SLC44A5: variants seen among roughly 807,000 people sequenced by gnomAD.
SLC44A5 encodes the protein choline transporter-like protein 5.
Under a neutral mutation model 101.8 loss-of-function variants are expected in SLC44A5, and 57 were observed. The observed-to-expected ratio is 0.56, with a 90% CI of 0.45 to 0.70. SLC44A5 has a LOEUF of 0.70. Among genes scored for constraint, SLC44A5 ranks in the 30% least tolerant of loss-of-function variants. The pLI is 0.00. For missense variants in SLC44A5, 737 were observed against 853.1 expected, an observed-to-expected ratio of 0.86 and a Z score of 1.70; for synonymous variants, 281 against 290.9, an observed-to-expected ratio of 0.97 and a Z score of 0.35.
chr1:75,536,482 T>C (rs1190272761), intron 2 of SLC44A5, among the ~76,000 whole-genome samples: 1 of 150,192 alleles, frequency 6.7e-6, no homozygotes, highest in Non-Finnish European at 1.5e-5. Flanking sequence ...GCGCCTGTAG[T>C]CCCAGCTACT....
chr1:75,649,971 G>A, the SLC44A5 span, among the ~76,000 whole-genome samples: 1 of 152,114 alleles, frequency 6.6e-6, no homozygotes, highest in African/African-American at 2.4e-5. Context: ...ACTTGTTTAA[G>A]CCTGATTTAT....
chr1:75,234,005 C>T lies in SLC44A5; in HGVS notation c.834G>A (p.Val278=), dbSNP rs566016844. Residue 278 remains valine, a synonymous_variant, in exon 12 of 24, where the codon GTG becomes GTA. Transcript: ENST00000370859. ...GCLFWVFMIG[V]IGIIGYGIWH... The stretch of plus-strand genomic sequence containing the variant: ...ACCTACCATAACCTATAATTCCAAT[C>T]ACACCAATCATGAAGACCCAGAAGA... The T allele has an allele frequency of 1.9e-6, 3 of 1,612,110 alleles. No homozygotes were observed. In the South Asian group the frequency reaches 3.3e-5, roughly 18 times the overall value.
At chr1:75,715,730 G>A in the SLC44A5 span, among the ~76,000 whole-genome samples, 1 of 152,078 alleles carries the variant, frequency 6.6e-6, no homozygotes, top group Non-Finnish European at 1.5e-5. Context: ...CTGGACACAA[G>A]CCCTGGCAAA....
chr1:75,641,557 C>G, the SLC44A5 span: 1 of 1,506,660 alleles, frequency 6.6e-7, no homozygotes, highest in Non-Finnish European at 9.2e-7. Context: ...GAAAAACTTC[C>G]TCATTTACTT....
intron 1 of SLC44A5, among the ~76,000 whole-genome samples, chr1:75,590,827 G>A (rs1674310037): frequency 6.6e-6 from 1 of 152,150 alleles, no homozygotes. Flanking sequence ...TTTGATTCTA[G>A]TGCCTGACTC....
At position 75,490,931 on chromosome 1, in the gene SLC44A5, A is replaced by T. The variant is rs544265426; in HGVS notation, c.13+50504T>A. The stretch of plus-strand genomic sequence containing the variant: ...TAAAGGCAAGTAAATCTACTTTTTT[A>T]AAAAAAAAAAGTGATCTAAGTTATT... On this transcript the variant is annotated intron_variant, in intron 2 of 23. Transcript: ENST00000370859. Among the ~76,000 whole-genome samples, 751 of 140,768 alleles carry T rather than the reference A, an allele frequency of 5.3e-3. 5 individuals carry two copies. The highest frequency in any genetic ancestry group is 0.012 in the African/African-American group (435 of 36,894). 92.3% of individuals were successfully genotyped at this position (140,768 alleles called of 152,430 possible). A position where few individuals can be genotyped will look rare whatever the true frequency, so the allele number is the denominator to read the frequency against.
the SLC44A5 span, among the ~76,000 whole-genome samples, chr1:75,669,757 A>G: frequency 8.5e-5 from 13 of 152,316 alleles, no homozygotes; most frequent in African/African-American, 2.9e-4. Context: ...ATGTATTTAA[A>G]TAAATAAAAT....
intron 1 of SLC44A5, among the ~76,000 whole-genome samples, chr1:75,552,868 C>T (rs1209566931): frequency 1.4e-5 from 2 of 146,136 alleles, no homozygotes; most frequent in East Asian, 2.0e-4. Context: ...TTTGTGGCTA[C>T]AAAACAATTA....
the SLC44A5 span, among the ~76,000 whole-genome samples, chr1:75,645,164 A>G: frequency 2.0e-5 from 3 of 152,098 alleles, no homozygotes; most frequent in African/African-American, 4.8e-5. Context: ...GCTGGGTCAA[A>G]TGGTATTTCT....
chr1:75,437,210 T>G (rs1664940980), intron 2 of SLC44A5, among the ~76,000 whole-genome samples: 1 of 152,184 alleles, frequency 6.6e-6, no homozygotes, highest in Admixed American at 6.6e-5. Flanking sequence ...TCAAGTATTC[T>G]GTACTGTCCA....
chr1:75,393,896 A>T (rs1661956622), intron 3 of SLC44A5, among the ~76,000 whole-genome samples: 1 of 152,182 alleles, frequency 6.6e-6, no homozygotes, highest in Non-Finnish European at 1.5e-5. Flanking sequence ...CCCTTATTAG[A>T]GAAAGGAAGG....
At chr1:75,711,254 C>G in the SLC44A5 span, among the ~76,000 whole-genome samples, 1 of 152,064 alleles carries the variant, frequency 6.6e-6, no homozygotes, top group Non-Finnish European at 1.5e-5. Context: ...CAGAACACAG[C>G]TGCTTGGGGA....
chr1:75,219,931 C>T (rs766600096), intron 14 of SLC44A5, 39 bp from the exon 15 acceptor site: 60 of 1,384,482 alleles, frequency 4.3e-5, no homozygotes, highest in Non-Finnish European at 6.1e-5. Flanking sequence ...ATTGTTAAAA[C>T]TAGAAATAAG....
At chr1:75,241,346 C>T (rs1648611748) in intron 9 of SLC44A5, among the ~76,000 whole-genome samples, 1 of 151,956 alleles carries the variant, frequency 6.6e-6, no homozygotes, top group South Asian at 2.1e-4. Flanking sequence ...TTCTTGACCT[C>T]CCAAGTAGCT....
intron 13 of SLC44A5, among the ~76,000 whole-genome samples, chr1:75,227,499 G>A (rs1647231505): frequency 6.6e-6 from 1 of 152,042 alleles, no homozygotes; most frequent in Non-Finnish European, 1.5e-5. Context: ...TAATTTGAAG[G>A]CAAATGGCTT....
chr1:75,647,788 G>A, the SLC44A5 span, among the ~76,000 whole-genome samples: 3 of 152,134 alleles, frequency 2.0e-5, no homozygotes, highest in Non-Finnish European at 4.4e-5. Context: ...TTTGGAATGG[G>A]AGCATTTACC....
intron 6 of SLC44A5, among the ~76,000 whole-genome samples, chr1:75,263,922 T>C (rs1473237225): frequency 6.6e-6 from 1 of 151,068 alleles, no homozygotes; most frequent in African/African-American, 2.4e-5. Context: ...TAAGTGGGAG[T>C]TGAACAATGA....
Position 75,481,150 on chromosome 1 carries a change from G to C in SLC44A5, c.13+60285C>G, listed in dbSNP as rs188936162. On this transcript the variant is annotated intron_variant, in intron 2 of 23. Coordinates refer to ENST00000370859, the MANE Select transcript of SLC44A5 (RefSeq NM_001130058.2). The stretch of plus-strand genomic sequence containing the variant: ...GCAAACCTGAGAAAAACAAGCAATG[G>C]GGAAAGGATTCCCTGTTTAATAAAT... Among the ~76,000 whole-genome samples, 3 of 152,302 alleles carry C rather than the reference G, an allele frequency of 2.0e-5. No homozygotes were observed. In the East Asian group the frequency reaches 5.8e-4, roughly 29 times the overall value.
chr1:75,492,714 G>C (rs2101814997), intron 2 of SLC44A5, among the ~76,000 whole-genome samples: 1 of 152,302 alleles, frequency 6.6e-6, no homozygotes, highest in Non-Finnish European at 1.5e-5. Context: ...TTAAAGAAGG[G>C]CCATGTTCTT....
Sources: gnomAD v4.1 joint callset for allele counts (sites outside exome capture counted in the v4.1 genomes callset) on GRCh38, gnomAD v4.1.1 for gene constraint, MANE v1.5 for transcripts, NCBI Gene and HGNC (gene_info 2026-07-23, HGNC 2026-07-21) for gene names.